The following CHN2 variants were observed in gnomAD, a reference collection of about 807,000 sequenced individuals.
CHN2 encodes beta-chimaerin.
CHN2 carries 35 observed loss-of-function variants against 56.3 expected under a neutral mutation model. The observed-to-expected ratio is 0.62, with a 90% CI of 0.47 to 0.82. The LOEUF (loss-of-function observed/expected upper bound fraction) is 0.82. Ranked by LOEUF, CHN2 falls within the 40% of genes least tolerant of loss-of-function variation. The probability of loss-of-function intolerance (pLI) is 0.00; values close to 1 mark genes in which losing one functional copy is unlikely to be tolerated. For missense variants in CHN2, 491 were observed against 580.5 expected (o/e 0.85, Z 1.58); for synonymous variants, 210 against 212.8 (o/e 0.99, Z 0.12).
upstream of CHN2, among the ~76,000 whole-genome samples, chr7:29,189,892 A>G (rs1418737626): frequency 6.6e-6 from 1 of 152,182 alleles, no homozygotes; most frequent in African/African-American, 2.4e-5. Flanking sequence ...GTGTGCCGCC[A>G]CTAGGGGTCC....
intron 1 of CHN2, among the ~76,000 whole-genome samples, chr7:29,249,728 A>G (rs1467324469): frequency 6.6e-6 from 1 of 152,236 alleles, no homozygotes; most frequent in Non-Finnish European, 1.5e-5. Context: ...CTTAAGCTTA[A>G]TAGCCGCTCC....
At chr7:29,414,427 G>A (rs1289366406) in intron 6 of CHN2, among the ~76,000 whole-genome samples, 1 of 152,148 alleles carries the variant, frequency 6.6e-6, no homozygotes, top group Non-Finnish European at 1.5e-5. Context: ...CGTGCTATAG[G>A]GGTGGCTTTC....
chr7:29,192,714 T>C (rs1211340722), upstream of CHN2: 1 of 152,238 alleles, frequency 6.6e-6, no homozygotes, highest in Non-Finnish European at 1.5e-5. Context: ...TATCAGATTT[T>C]TGTGGCAGGT....
intron 2 of CHN2, among the ~76,000 whole-genome samples, chr7:29,156,806 A>G (rs1271440502): frequency 1.0e-5 from 1 of 99,610 alleles, no homozygotes; most frequent in Non-Finnish European, 1.9e-5. Context: ...AAGAAGTCAT[A>G]ATTCTTTATC....
intron 1 of CHN2, among the ~76,000 whole-genome samples, chr7:29,351,769 A>C (rs1415106193): frequency 6.6e-6 from 1 of 152,184 alleles, no homozygotes; most frequent in Admixed American, 6.5e-5. Context: ...TCTACGGTGG[A>C]GTCAGAGAGG....
chr7:29,393,833 GATA>G (rs954264855), intron 4 of CHN2, 123 bp downstream of exon 4: 5 of 301,344 alleles, frequency 1.7e-5, no homozygotes, highest in Non-Finnish European at 2.9e-5. Flanking sequence ...AGAGTTTAAT[GATA>G]ATAAATGCAA....
intron 2 of CHN2, among the ~76,000 whole-genome samples, chr7:29,184,249 CTATA>C (rs1208640411): frequency 6.7e-6 from 1 of 149,422 alleles, no homozygotes; most frequent in Non-Finnish European, 1.5e-5. Context: ...CATATACAAT[CTATA>C]TATAAGATAT....
chr7:29,413,395 G>A (rs1454681954), intron 6 of CHN2, among the ~76,000 whole-genome samples: 1 of 152,154 alleles, frequency 6.6e-6, no homozygotes, highest in Non-Finnish European at 1.5e-5. Flanking sequence ...CTTTAACAGA[G>A]TAAAAGCAGT....
intron 2 of CHN2, among the ~76,000 whole-genome samples, chr7:29,163,910 A>C (rs1177431610): frequency 6.6e-6 from 1 of 152,168 alleles, no homozygotes; most frequent in Non-Finnish European, 1.5e-5. Context: ...ATATTTGTCC[A>C]TTTACTTGTT....
chr7:29,264,121 AGCCCCTCTGCCCG>A (rs1323429509), intron 1 of CHN2, among the ~76,000 whole-genome samples: 1 of 143,438 alleles, frequency 7.0e-6, no homozygotes, highest in African/African-American at 2.5e-5. Context: ...GGAAGTGAGG[AGCCCCTCTGCCCG>A]GCCGCCACCC....
At chr7:29,175,939 C>A (rs1345293129) in intron 2 of CHN2, among the ~76,000 whole-genome samples, 1 of 152,148 alleles carries the variant, frequency 6.6e-6, no homozygotes, top group African/African-American at 2.4e-5. Context: ...GTAATCCCAG[C>A]ACTTTGGGAG....
At chr7:29,463,825 A>T (rs190006034) in intron 6 of CHN2, among the ~76,000 whole-genome samples, 1 of 152,274 alleles carries the variant, frequency 6.6e-6, no homozygotes, top group African/African-American at 2.4e-5. Flanking sequence ...CTGCTGGTGT[A>T]TAGATGTGGA....
intron 2 of CHN2, chr7:29,146,985 T>A: frequency 6.4e-7 from 1 of 1,550,774 alleles, no homozygotes; most frequent in Non-Finnish European, 8.7e-7. Flanking sequence ...AGTGCCACTG[T>A]CCTGCCAAGC....
chr7:29,236,916 T>C (rs1399146718), intron 1 of CHN2, among the ~76,000 whole-genome samples: 1 of 152,208 alleles, frequency 6.6e-6, no homozygotes. Context: ...AGGCTCACCC[T>C]GGTAATTCAA....
intron 1 of CHN2, among the ~76,000 whole-genome samples, chr7:29,324,806 A>T (rs1411537231): frequency 6.6e-6 from 1 of 152,200 alleles, no homozygotes; most frequent in Admixed American, 6.5e-5. Flanking sequence ...TTGTAAATAT[A>T]GGGAAGTTTA....
intron 1 of CHN2, among the ~76,000 whole-genome samples, chr7:29,334,167 C>T (rs1320838242): frequency 6.6e-6 from 1 of 150,950 alleles, no homozygotes; most frequent in Non-Finnish European, 1.5e-5. Context: ...TCTCCTGCCT[C>T]AGCCTCCTGA....
At chr7:29,235,846 G>T (rs1470207308) in intron 1 of CHN2, among the ~76,000 whole-genome samples, 2 of 152,118 alleles carry the variant, frequency 1.3e-5, no homozygotes, top group Non-Finnish European at 2.9e-5. Flanking sequence ...TGCATACACA[G>T]ACACAAAGAA....
At chr7:29,425,449 C>A (rs968076173) in intron 6 of CHN2, among the ~76,000 whole-genome samples, 3 of 152,206 alleles carry the variant, frequency 2.0e-5, no homozygotes, top group Non-Finnish European at 4.4e-5. Context: ...GTTTTGGGAT[C>A]TTTTGACCCT....
chr7:29,352,152 A>G (rs982392134), intron 1 of CHN2, among the ~76,000 whole-genome samples: 16 of 152,328 alleles, frequency 1.1e-4, no homozygotes, highest in African/African-American at 3.4e-4. Flanking sequence ...AAAGATCTGC[A>G]GAAAGGGGAA....
Sources: allele counts gnomAD v4.1 joint callset (sites outside exome capture counted in the v4.1 genomes callset), GRCh38; gene constraint gnomAD v4.1.1; transcripts MANE v1.5; gene names NCBI Gene and HGNC (gene_info 2026-07-23, HGNC 2026-07-21).